The following RAB11FIP1 variants were observed in gnomAD, a reference collection of about 807,000 sequenced individuals.
The protein encoded by RAB11FIP1 is RAB11 family interacting protein 1.
A neutral mutation model predicts 83.1 loss-of-function variants in RAB11FIP1; 49 were observed. That is an observed-to-expected ratio of 0.59 (90% CI 0.47 to 0.75). The LOEUF is 0.75. Ranked by LOEUF, RAB11FIP1 falls within the 30% of genes least tolerant of loss-of-function variation. The pLI, the probability that RAB11FIP1 is intolerant of heterozygous loss-of-function variation, is 0.00. For synonymous variants in RAB11FIP1, 670 were observed against 656.0 expected (o/e 1.02, Z -0.33); for missense variants, 1,536 against 1,598.7 (o/e 0.96, Z 0.67).
In RAB11FIP1 at chr8:37,899,232, G is replaced by A; in HGVS notation, c.210C>T (p.Ala70=). Residue 70 remains alanine (A), a synonymous_variant, in exon 1 of 6, where the codon GCC becomes GCT. Coordinates refer to ENST00000330843, the MANE Select transcript of RAB11FIP1 (RefSeq NM_001002814.3). The surrounding 1 kb of genome is among the most constrained non-coding windows in gnomAD (Gnocchi z 4.5). The part of the protein sequence containing the change: ...SLGAPVWREE[A]TFELPSLLSS... ...ACAGCAGCGATGGCAGCTCGAAGGT[G>A]GCCTCCTCGCGCCACACGGGCGCGC... 6.3e-7 allele frequency: 1 copy of A among 1,591,752 alleles called. No individual in the cohort carries two copies. The highest frequency in any genetic ancestry group is 8.5e-7 in the Non-Finnish European group (1 of 1,173,274).
At chr8:37,897,831 T>A (rs1807121731) in intron 1 of RAB11FIP1, among the ~76,000 whole-genome samples, 1 of 152,110 alleles carries the variant, frequency 6.6e-6, no homozygotes, top group African/African-American at 2.4e-5. Flanking sequence ...CAAATTCTCT[T>A]CACCAACCCC....
chr8:37,868,309 C>T (rs1200806797), intron 5 of RAB11FIP1, among the ~76,000 whole-genome samples: 1 of 151,614 alleles, frequency 6.6e-6, no homozygotes, highest in African/African-American at 2.4e-5. Context: ...GTAATACCAG[C>T]TACTCTGGAG....
Position 37,863,123 on chromosome 8 carries a change from G to A in RAB11FIP1, c.3634-10C>T, listed in dbSNP as rs751687395. The A allele has an allele frequency of 4.4e-6, 7 of 1,602,576 alleles. No homozygotes were observed. The highest frequency in any genetic ancestry group is 5.1e-6 in the Non-Finnish European group (6 of 1,172,498). On this transcript the variant is annotated splice_polypyrimidine_tract_variant and intron_variant, in intron 5 of 5. Coordinates refer to ENST00000330843, the MANE Select transcript of RAB11FIP1 (RefSeq NM_001002814.3). ...CCGAGGGGCTGTATTTCTTTGGAGG[G>A]GGGGAAATAGTTGGGAAAAAGGAGT...
intron 5 of RAB11FIP1, among the ~76,000 whole-genome samples, chr8:37,866,134 G>A (rs1210513304): frequency 6.6e-6 from 1 of 152,140 alleles, no homozygotes; most frequent in Non-Finnish European, 1.5e-5. Context: ...AGGAGTTTGA[G>A]ACCAACCTGG....
chr8:37,870,289 C>G (rs932908285), intron 5 of RAB11FIP1, 131 bp downstream of exon 5: 3 of 524,564 alleles, frequency 5.7e-6, no homozygotes, highest in Non-Finnish European at 1.0e-5. Flanking sequence ...AAAGTTTACT[C>G]AAAGACTCAA....
rs1246543566 is a variant in RAB11FIP1, at chr8:37,874,921, C to T, written c.1216G>A (p.Gly406Arg). Residue 406 changes from glycine (G) to arginine (R), a missense_variant, in exon 3 of 6, where the codon GGG (glycine) becomes AGG (arginine). By Grantham distance (125) the Gly-to-Arg change is moderately radical. Transcript: ENST00000330843. ...PSYRPAPLVS[G>R]DLRENMAPAN... ...GGGGCCATGTTTTCCCTGAGGTCCCCACTGACCAGTGGGGCAGGTCGGTAG... is the reference window on the plus strand; with the variant it reads ...GGGGCCATGTTTTCCCTGAGGTCCCTACTGACCAGTGGGGCAGGTCGGTAG... 15 of 1,614,152 alleles carry T rather than the reference C, an allele frequency of 9.3e-6. No individual in the cohort carries two copies. Among genetic ancestry groups the T allele is most frequent in the Non-Finnish European group, 1.3e-5 (15 of 1,180,018 alleles).
chr8:37,890,004 C>T (rs970068041), intron 1 of RAB11FIP1, among the ~76,000 whole-genome samples: 64 of 152,256 alleles, frequency 4.2e-4, no homozygotes, highest in African/African-American at 1.5e-3. Flanking sequence ...AGGCTGGTCT[C>T]GAACTCCTGA....
In RAB11FIP1 at chr8:37,862,554, A is replaced by T. The variant is rs1585424790; in HGVS notation, c.*341T>A. On this transcript the variant is annotated 3_prime_UTR_variant, in exon 6 of 6. Transcript: ENST00000330843. ...GAAAAAAAATCTCAGTATGAAAGAA[A>T]GAAAACCCCAGTGTTAAAATACATG... 2 of 201,078 alleles carry T rather than the reference A, an allele frequency of 9.9e-6. No individual in the cohort carries two copies. Among genetic ancestry groups the T allele is most frequent in the East Asian group, 1.2e-4 (1 of 8,166 alleles). The allele number at this position is 201,078 out of a possible 1,614,324, so 12.5% of individuals were successfully genotyped here.
Position 37,872,437 on chromosome 8 carries a change from G to A in RAB11FIP1, c.2365C>T (p.Arg789Trp), listed in dbSNP as rs144979959. 761 of 1,614,058 alleles carry A rather than the reference G, an allele frequency of 4.7e-4. 4 individuals are homozygous for A. In the African/African-American group the frequency reaches 8.5e-3, roughly 18 times the overall value. The change falls in exon 4 of 6, where the codon CGG becomes TGG. Residue 789 changes from arginine (R) to tryptophan (W), a missense_variant. Arg to Trp is a moderately radical substitution (Grantham distance 101). Transcript: ENST00000330843. ...TTCAGACCCATCTCTTCCAGCTTCC[G>A]CATCATGGAATCAATGGAAGGGACT... ...ASVPSIDSMM[R>W]KLEEMGLNLR...
chr8:37,893,220 G>A (rs1482883720), intron 1 of RAB11FIP1, among the ~76,000 whole-genome samples: 4 of 151,754 alleles, frequency 2.6e-5, no homozygotes, highest in Admixed American at 2.0e-4. Flanking sequence ...GATTACAGGT[G>A]CACACGACCA....
At position 37,860,012 on chromosome 8, in the gene RAB11FIP1, A is replaced by AT. The variant is rs546949186; in HGVS notation, c.*2882dup. ...GAGGTGCAGGAATGCTATAAACTGA[A>AT]TTTTTTCCCAGCAGCAGCAGAAGCC... On this transcript the variant is annotated 3_prime_UTR_variant, in exon 6 of 6. Transcript: ENST00000330843. 491 of 152,722 alleles carry AT rather than the reference A, an allele frequency of 3.2e-3. 2 individuals are homozygous for AT. The highest frequency in any genetic ancestry group is 5.2e-3 in the Non-Finnish European group (353 of 68,090). The allele number at this position is 152,722 out of a possible 1,614,324, so 9.5% of individuals were successfully genotyped here.
At chr8:37,880,760 T>A (rs1412911418) in intron 1 of RAB11FIP1, among the ~76,000 whole-genome samples, 1 of 118,478 alleles carries the variant, frequency 8.4e-6, no homozygotes, top group Admixed American at 8.9e-5. Flanking sequence ...TGAGACCCTA[T>A]CCCTTTCAAA....
chr8:37,870,338 A>T (rs762377290), intron 5 of RAB11FIP1, 82 bp downstream of exon 5: 7 of 758,002 alleles, frequency 9.2e-6, no homozygotes, highest in Non-Finnish European at 1.4e-5. Context: ...CCGGCTGCCC[A>T]GGGAGAGGTA....
At position 37,870,567 on chromosome 8, in the gene RAB11FIP1, C is replaced by A; in HGVS notation, c.3525-39G>T. 4 of 1,140,386 alleles carry A rather than the reference C, an allele frequency of 3.5e-6. No homozygotes were observed. In the South Asian group the frequency reaches 4.0e-5, roughly 11 times the overall value. 70.6% of individuals were successfully genotyped at this position (1,140,386 alleles called of 1,614,324 possible). ...GAAAAGGATCTTTAGACCCTCCGGT[C>A]ATGGCAAAACTGAGCAACTGCCCAC... On this transcript the variant is annotated intron_variant, in intron 4 of 5. Transcript: ENST00000330843.
chr8:37,889,335 T>C (rs1339836094), intron 1 of RAB11FIP1, among the ~76,000 whole-genome samples: 1 of 152,296 alleles, frequency 6.6e-6, no homozygotes, highest in East Asian at 1.9e-4. Context: ...TCTCTAAGAA[T>C]TAGAAAAATT....
At position 37,864,128 on chromosome 8, in the gene RAB11FIP1, G is replaced by A. The variant is rs73673897; in HGVS notation, c.3634-1015C>T. Among the ~76,000 whole-genome samples the A allele has an allele frequency of 4.9e-3, 745 of 152,322 alleles. 7 individuals are homozygous for A. Among genetic ancestry groups the A allele is most frequent in the African/African-American group, 0.017 (720 of 41,580 alleles). On this transcript the variant is annotated intron_variant, in intron 5 of 5. Coordinates refer to ENST00000330843, the MANE Select transcript of RAB11FIP1 (RefSeq NM_001002814.3). ...TCAGAGCCAGGTGCCACCATGCCCC[G>A]TCCTCACCCGTGGCCGTCTAGGCAC...
chr8:37,889,932 C>T (rs1415262838), intron 1 of RAB11FIP1, among the ~76,000 whole-genome samples: 3 of 152,030 alleles, frequency 2.0e-5, no homozygotes, highest in Admixed American at 6.6e-5. Flanking sequence ...AACAGGTGCC[C>T]GCCACCATAC....
chr8:37,878,203 A>G (rs1806659061), intron 1 of RAB11FIP1: 1 of 152,004 alleles, frequency 6.6e-6, no homozygotes, highest in South Asian at 2.1e-4. Context: ...CCATGGAATC[A>G]CTTCCGATGA....
rs545329728 is a variant in RAB11FIP1 at position 37,872,622 on chromosome 8, G to A, written c.2180C>T (p.Pro727Leu). 2.9e-5 allele frequency: 46 copies of A among 1,614,018 alleles called. No individual in the cohort carries two copies. In the South Asian group the frequency reaches 4.5e-4, roughly 16 times the overall value. Residue 727 changes from proline (P) to leucine (L), a missense_variant, in exon 4 of 6, where the codon CCG becomes CTG. Coordinates refer to ENST00000330843, the MANE Select transcript of RAB11FIP1 (RefSeq NM_001002814.3). ...SPSSGEAQEV[P>L]FALSLSSDGA... ...ATCACTGCTGAGTGAAAGGGCAAAC[G>A]GTACTTCCTGGGCTTCTCCAGATGA... is the stretch of plus-strand genomic sequence containing the variant.
Sources: allele counts gnomAD v4.1 joint callset (sites outside exome capture counted in the v4.1 genomes callset), GRCh38; gene constraint gnomAD v4.1.1; non-coding constraint Gnocchi (gnomAD v3.1); transcripts MANE v1.5; gene names NCBI Gene and HGNC (gene_info 2026-07-23, HGNC 2026-07-21).